The following C1GALT1 variants were observed in gnomAD, a reference collection of about 807,000 sequenced individuals.
The protein encoded by C1GALT1 is glycoprotein-N-acetylgalactosamine 3-beta-galactosyltransferase 1.
C1GALT1 carries 11 observed loss-of-function variants against 31.0 expected under a neutral mutation model. The observed-to-expected ratio is 0.36, with a 90% confidence interval of 0.22 to 0.59. The LOEUF (loss-of-function observed/expected upper bound fraction) is 0.59, where lower values mean the gene tolerates loss of function less well. C1GALT1 is among the 20% of genes least tolerant of loss of function. The pLI is 0.79. For synonymous variants in C1GALT1, 175 were observed against 143.6 expected (o/e 1.22, Z -1.56); for missense variants, 424 against 425.2 (o/e 1.00, Z 0.03).
intron 1 of C1GALT1, among the ~76,000 whole-genome samples, chr7:7,204,730 A>G (rs1781662260): frequency 6.6e-6 from 1 of 152,082 alleles, no homozygotes; most frequent in Non-Finnish European, 1.5e-5. Flanking sequence ...TGTGTCCCAT[A>G]AATTTTCTTA....
chr7:7,183,200 C>T (rs1469697111), intron 1 of C1GALT1, among the ~76,000 whole-genome samples: 1 of 151,956 alleles, frequency 6.6e-6, no homozygotes, highest in African/African-American at 2.4e-5. Context: ...CGGTCCTGCC[C>T]CGCCGGGCCC....
At chr7:7,189,212 A>AACAG (rs1218864708) in intron 1 of C1GALT1, among the ~76,000 whole-genome samples, 2 of 152,150 alleles carry the variant, frequency 1.3e-5, no homozygotes, top group Non-Finnish European at 2.9e-5. Flanking sequence ...GTTCCTCATC[A>AACAG]ACAGACAGAC....
At chr7:7,199,399 GAGAC>G (rs1357528608) in intron 1 of C1GALT1, among the ~76,000 whole-genome samples, 1 of 151,358 alleles carries the variant, frequency 6.6e-6, no homozygotes, top group Non-Finnish European at 1.5e-5. Context: ...TGTGGTCTGA[GAGAC>G]AGTTTGTTAT....
At chr7:7,237,485 A>G (rs1421641377) in intron 2 of C1GALT1, among the ~76,000 whole-genome samples, 1 of 152,168 alleles carries the variant, frequency 6.6e-6, no homozygotes, top group Non-Finnish European at 1.5e-5. Context: ...TTTTCAAAGT[A>G]ATGTGTTGCT....
At chr7:7,173,614 C>T (rs73043785) in intron 2 of C1GALT1, among the ~76,000 whole-genome samples, 9,229 of 152,240 alleles carry the variant, frequency 0.061, 368 homozygotes, top group East Asian at 0.17. Flanking sequence ...CAAAATAGTA[C>T]AGACTGGACT....
At position 7,244,032 on chromosome 7, in the gene C1GALT1, T is replaced by TA. The variant is rs1783749654; in HGVS notation, c.*306dup. 2 of 189,416 alleles carry TA rather than the reference T, an allele frequency of 1.1e-5. No homozygotes were observed. Among genetic ancestry groups the TA allele is most frequent in the Admixed American group, 1.2e-4 (2 of 17,300 alleles). 11.7% of individuals were successfully genotyped at this position (189,416 alleles called of 1,614,324 possible). A position where few individuals can be genotyped will look rare whatever the true frequency, so the allele number is the denominator to read the frequency against. Reference sequence around the variant, plus strand: ...TTGCCTGTTTTCTGACCATCTGTGTTATTGTCACTGAGAAACTAAAATAGT... The same window carrying TA: ...TTGCCTGTTTTCTGACCATCTGTGTTAATTGTCACTGAGAAACTAAAATAGT... On this transcript the variant is annotated 3_prime_UTR_variant, in exon 4 of 4. Coordinates refer to ENST00000436587, the MANE Select transcript of C1GALT1 (RefSeq NM_020156.5).
intron 1 of C1GALT1, among the ~76,000 whole-genome samples, chr7:7,198,393 G>T (rs1036510047): frequency 1.3e-5 from 2 of 152,306 alleles, no homozygotes; most frequent in East Asian, 1.9e-4. Flanking sequence ...CAACTTGATT[G>T]TGGTGGATAA....
At chr7:7,191,074 G>A (rs1342068875) in intron 1 of C1GALT1, among the ~76,000 whole-genome samples, 4 of 151,974 alleles carry the variant, frequency 2.6e-5, no homozygotes, top group South Asian at 2.1e-4. Flanking sequence ...AACCATCACC[G>A]CTGTTTATCT....
intron 1 of C1GALT1, among the ~76,000 whole-genome samples, chr7:7,198,028 T>A (rs995573786): frequency 6.6e-6 from 1 of 152,204 alleles, no homozygotes; most frequent in Non-Finnish European, 1.5e-5. Context: ...ACTCTTTGTT[T>A]CTTTCTCTTG....
intron 3 of C1GALT1, among the ~76,000 whole-genome samples, chr7:7,241,394 C>T (rs191742531): frequency 8.2e-4 from 124 of 152,064 alleles, no homozygotes; most frequent in African/African-American, 2.8e-3. Context: ...TTTGGCCCAG[C>T]ACCATATTGT....
chr7:7,218,451 C>T (rs181371206), intron 1 of C1GALT1, among the ~76,000 whole-genome samples: 6 of 151,546 alleles, frequency 4.0e-5, no homozygotes, highest in East Asian at 3.9e-4. Context: ...ATTGGCCCAA[C>T]GAAAAATGAA....
chr7:7,194,608 A>G (rs1230357943), intron 1 of C1GALT1, among the ~76,000 whole-genome samples: 1 of 151,960 alleles, frequency 6.6e-6, no homozygotes, highest in Non-Finnish European at 1.5e-5. Context: ...ATCTATGTTC[A>G]TCAGGGATAT....
intron 2 of C1GALT1, among the ~76,000 whole-genome samples, chr7:7,162,129 T>C (rs544693822): frequency 1.3e-5 from 2 of 151,756 alleles, no homozygotes; most frequent in East Asian, 3.9e-4. Flanking sequence ...TTTATTATTA[T>C]TATTCTTTAA....
chr7:7,197,774 A>T (rs1781362293), intron 1 of C1GALT1, among the ~76,000 whole-genome samples: 1 of 151,948 alleles, frequency 6.6e-6, no homozygotes, highest in African/African-American at 2.4e-5. Context: ...TGTAAGTTGG[A>T]TTCCTATGTA....
chr7:7,164,111 G>A (rs3929095), intron 2 of C1GALT1, among the ~76,000 whole-genome samples: 106,893 of 151,714 alleles, frequency 0.7, 39,362 homozygotes, highest in East Asian at 0.92. Flanking sequence ...ACTGGTACCA[G>A]AACAGAGATA....
chr7:7,176,886 C>T (rs541161847), intron 2 of C1GALT1, among the ~76,000 whole-genome samples: 5 of 152,314 alleles, frequency 3.3e-5, no homozygotes, highest in Admixed American at 6.5e-5. Flanking sequence ...AGACGAGAAG[C>T]TCTGTCTAAA....
At chr7:7,201,054 C>T (rs182535465) in intron 1 of C1GALT1, among the ~76,000 whole-genome samples, 7 of 152,236 alleles carry the variant, frequency 4.6e-5, no homozygotes, top group East Asian at 3.8e-4. Context: ...CGAGGAGCTG[C>T]GTTCCTTTGG....
intron 2 of C1GALT1, among the ~76,000 whole-genome samples, chr7:7,175,064 C>T (rs556465733): frequency 6.6e-6 from 1 of 152,260 alleles, no homozygotes; most frequent in South Asian, 2.1e-4. Flanking sequence ...GAAAAGTGGA[C>T]ATTTGGCTCC....
chr7:7,208,439 A>G (rs1781846931), intron 1 of C1GALT1, among the ~76,000 whole-genome samples: 1 of 152,194 alleles, frequency 6.6e-6, no homozygotes, highest in Admixed American at 6.5e-5. Flanking sequence ...TTCTGGGAAC[A>G]TATTCCCTGT....
Sources: allele counts gnomAD v4.1 joint callset (sites outside exome capture counted in the v4.1 genomes callset), GRCh38; gene constraint gnomAD v4.1.1; transcripts MANE v1.5; gene names NCBI Gene and HGNC (gene_info 2026-07-23, HGNC 2026-07-21).